The following PLCH1 variants were observed in gnomAD, a reference collection of about 807,000 sequenced individuals.
The protein encoded by PLCH1 is 1-phosphatidylinositol 4,5-bisphosphate phosphodiesterase eta-1.
In PLCH1, 60 loss-of-function variants were observed where a neutral mutation model predicts 126.7. The observed-to-expected ratio is 0.47, with a 90% CI of 0.38 to 0.59. PLCH1 has a LOEUF of 0.59. PLCH1 is among the 20% of genes least tolerant of loss of function. The probability of loss-of-function intolerance (pLI) is 0.00; values close to 1 mark genes in which losing one functional copy is unlikely to be tolerated. For synonymous variants in PLCH1, 719 were observed against 734.9 expected, an observed-to-expected ratio of 0.98 and a Z score of 0.35; for missense variants, 1,723 against 2,040.0, an observed-to-expected ratio of 0.84 and a Z score of 2.99.
At chr3:155,617,876 C>T (rs1009438328) in intron 2 of PLCH1, among the ~76,000 whole-genome samples, 2 of 152,100 alleles carry the variant, frequency 1.3e-5, no homozygotes, top group Admixed American at 6.5e-5. Flanking sequence ...TTCTAACAAG[C>T]CCAGGAGCCC....
intron 11 of PLCH1, among the ~76,000 whole-genome samples, chr3:155,515,290 T>C (rs1456669295): frequency 2.0e-5 from 3 of 152,240 alleles, no homozygotes; most frequent in African/African-American, 7.2e-5. Context: ...CTTATGCTAT[T>C]TGATGCTTTT....
At chr3:155,647,965 T>C (rs1397613698) in intron 2 of PLCH1, among the ~76,000 whole-genome samples, 1 of 152,176 alleles carries the variant, frequency 6.6e-6, no homozygotes, top group Non-Finnish European at 1.5e-5. Flanking sequence ...CTGGTAGAGG[T>C]CCTGAAAGAA....
At chr3:155,599,840 T>A (rs1733491886) in intron 2 of PLCH1, among the ~76,000 whole-genome samples, 1 of 152,206 alleles carries the variant, frequency 6.6e-6, no homozygotes, top group Non-Finnish European at 1.5e-5. Context: ...TTCTTTCCTT[T>A]CTCAGCTCCT....
intron 2 of PLCH1, among the ~76,000 whole-genome samples, chr3:155,617,681 A>C (rs1159285484): frequency 6.6e-6 from 1 of 152,172 alleles, no homozygotes; most frequent in Non-Finnish European, 1.5e-5. Flanking sequence ...ACAGTTGGAG[A>C]CGCTGGTTAC....
intron 1 of PLCH1, among the ~76,000 whole-genome samples, chr3:155,740,821 G>C (rs1300582552): frequency 2.0e-5 from 3 of 152,166 alleles, no homozygotes; most frequent in Non-Finnish European, 4.4e-5. Flanking sequence ...TTTATTAGCT[G>C]TGTGACTTTT....
At chr3:155,691,907 G>A (rs766112946) in intron 2 of PLCH1, among the ~76,000 whole-genome samples, 7 of 151,960 alleles carry the variant, frequency 4.6e-5, no homozygotes, top group East Asian at 1.9e-4. Flanking sequence ...TCAGAAGACC[G>A]TGTACAACAT....
intron 2 of PLCH1, among the ~76,000 whole-genome samples, chr3:155,694,932 TCTTA>T (rs1229328423): frequency 6.6e-6 from 1 of 150,506 alleles, no homozygotes; most frequent in African/African-American, 2.4e-5. Context: ...TTTCTTCCTC[TCTTA>T]CTGAGAAAGC....
intron 1 of PLCH1, among the ~76,000 whole-genome samples, chr3:155,737,676 AAG>A (rs1393066750): frequency 4.6e-5 from 7 of 152,236 alleles, no homozygotes; most frequent in African/African-American, 1.7e-4. Context: ...AAAGATAAGA[AAG>A]AGCTATTTGG....
At chr3:155,595,011 G>A (rs992552051) in intron 3 of PLCH1, among the ~76,000 whole-genome samples, 34 of 152,246 alleles carry the variant, frequency 2.2e-4, no homozygotes, top group Admixed American at 3.9e-4. Context: ...GGTGAAGGCA[G>A]AGCAGAGCTT....
intron 10 of PLCH1, among the ~76,000 whole-genome samples, chr3:155,528,098 C>T (rs1342856083): frequency 6.6e-6 from 1 of 151,844 alleles, no homozygotes; most frequent in African/African-American, 2.4e-5. Flanking sequence ...GTGGCAGGCA[C>T]CTGTAATCCC....
intron 2 of PLCH1, among the ~76,000 whole-genome samples, chr3:155,686,528 G>T (rs1187814335): frequency 6.6e-6 from 1 of 152,178 alleles, no homozygotes; most frequent in East Asian, 1.9e-4. Context: ...ACACGGTGTG[G>T]CATGGTAGGT....
At chr3:155,743,628 A>G (rs1212674305) in intron 1 of PLCH1, 13 of 410,286 alleles carry the variant, frequency 3.2e-5, no homozygotes, top group Non-Finnish European at 6.1e-5. Context: ...TTAACCCCAA[A>G]GGTGACCAAA....
chr3:155,486,682 G>A (rs1337930850), intron 21 of PLCH1, among the ~76,000 whole-genome samples: 1 of 151,418 alleles, frequency 6.6e-6, no homozygotes, highest in Non-Finnish European at 1.5e-5. Context: ...CGGCCACCGC[G>A]CCCGGCTAAT....
At chr3:155,598,287 G>GC (rs1425032775) in intron 2 of PLCH1, among the ~76,000 whole-genome samples, 1 of 152,056 alleles carries the variant, frequency 6.6e-6, no homozygotes, top group Non-Finnish European at 1.5e-5. Context: ...AGTATATTCG[G>GC]CCACCACTGA....
intron 21 of PLCH1, among the ~76,000 whole-genome samples, chr3:155,460,111 A>G (rs1185747189): frequency 6.6e-6 from 1 of 152,224 alleles, no homozygotes; most frequent in Non-Finnish European, 1.5e-5. Context: ...ATCAGAAATA[A>G]TAGAGAACTG....
At chr3:155,623,111 C>T (rs1326217182) in intron 2 of PLCH1, among the ~76,000 whole-genome samples, 1 of 152,174 alleles carries the variant, frequency 6.6e-6, no homozygotes, top group East Asian at 1.9e-4. Context: ...TAAGAAACTC[C>T]CTCAAAACCA....
chr3:155,572,433 T>C (rs987382679), intron 6 of PLCH1, among the ~76,000 whole-genome samples: 1 of 152,154 alleles, frequency 6.6e-6, no homozygotes, highest in Admixed American at 6.5e-5. Context: ...CTAATTAGTT[T>C]AGTTTAGTTT....
intron 2 of PLCH1, among the ~76,000 whole-genome samples, chr3:155,613,150 A>G (rs1159795630): frequency 6.6e-6 from 1 of 152,170 alleles, no homozygotes; most frequent in Non-Finnish European, 1.5e-5. Context: ...AGAATGAAAC[A>G]GTAATTTAAA....
In PLCH1 at chr3:155,604,220, A is replaced by G. The variant is rs186351887; in HGVS notation, c.80-7842T>C. On this transcript the variant is annotated intron_variant, in intron 2 of 22. Transcript: ENST00000460012. ...TCATATAAAACTGCTCTTCACAGCA[A>G]ATGGCTTCACTTAAAAAGCTATTCC... is the stretch of plus-strand genomic sequence containing the variant. Among the ~76,000 whole-genome samples, 82 of 152,236 alleles carry G rather than the reference A, an allele frequency of 5.4e-4. No homozygotes were observed. In the East Asian group the frequency reaches 0.014, roughly 27 times the overall value.
Sources: gnomAD v4.1 joint callset for allele counts (sites outside exome capture counted in the v4.1 genomes callset) on GRCh38, gnomAD v4.1.1 for gene constraint, MANE v1.5 for transcripts, NCBI Gene and HGNC (gene_info 2026-07-23, HGNC 2026-07-21) for gene names.